SBF1: variants seen among roughly 807,000 people sequenced by gnomAD.
The protein encoded by SBF1 is SET binding factor 1, also known as myotubularin-related protein 5.
SBF1 carries 65 observed loss-of-function variants against 215.8 expected under a neutral mutation model. That is an observed-to-expected ratio of 0.30 (90% confidence interval 0.25 to 0.37). The LOEUF (loss-of-function observed/expected upper bound fraction) is 0.37, where lower values mean the gene tolerates loss of function less well. Ranked by LOEUF, SBF1 falls within the 10% of genes least tolerant of loss-of-function variation. The pLI, the probability that SBF1 is intolerant of heterozygous loss-of-function variation, is 1.00. For missense variants in SBF1, 2,634 were observed against 2,667.8 expected (o/e 0.99, Z 0.28); for synonymous variants, 1,410 against 1,122.8 (o/e 1.26, Z -5.11).
intron 28 of SBF1, among the ~76,000 whole-genome samples, chr22:50,457,652 T>A (rs1459310912): frequency 6.6e-6 from 1 of 152,198 alleles, no homozygotes; most frequent in Non-Finnish European, 1.5e-5. Flanking sequence ...AGCAGCTCAG[T>A]CCAGGACACA....
In SBF1 at chr22:50,456,138, C is replaced by G. The variant is rs557534974; in HGVS notation, c.4266+78G>C. ...GCTCCACACTGTCAGACAAGCAAAC[C>G]TAGACCCGTCCACTTGGCTCTACCC... On this transcript the variant is annotated intron_variant, in intron 31 of 40. Transcript: ENST00000380817. The G allele has an allele frequency of 7.3e-5, 108 of 1,469,714 alleles. 2 individuals are homozygous for G. The African/African-American group carries it at 1.2e-3, about 17-fold the overall frequency. 91.0% of individuals were successfully genotyped at this position (1,469,714 alleles called of 1,614,324 possible). A position where few individuals can be genotyped will look rare whatever the true frequency, so the allele number is the denominator to read the frequency against.
At chr22:50,468,252 G>A (rs768650275) in intron 2 of SBF1, 124 bp downstream of exon 2, 25 of 919,430 alleles carry the variant, frequency 2.7e-5, no homozygotes, top group Non-Finnish European at 3.6e-5. Flanking sequence ...AGGCTCTGCT[G>A]TCTTGTCCCT....
chr22:50,474,593 T>C lies in SBF1; in HGVS notation c.55+193A>G, dbSNP rs71311695. 0.75 allele frequency among the ~76,000 whole-genome samples: 102,902 copies of C among 137,376 alleles called. 36,321 individuals are homozygous for C. The highest frequency in any genetic ancestry group is 0.86 in the East Asian group (4,267 of 4,952). The allele number at this position is 137,376 out of a possible 152,430, so 90.1% of individuals were successfully genotyped here. A position where few individuals can be genotyped will look rare whatever the true frequency, so the allele number is the denominator to read the frequency against. On this transcript the variant is annotated intron_variant, in intron 1 of 40. Coordinates refer to ENST00000380817, the MANE Select transcript of SBF1 (RefSeq NM_002972.4). ...CCGGCCCCGGCCCTCAGTCCTCGGC[T>C]CCCCCGACCCCGGCCCTCAGCGCCC...
In SBF1 at chr22:50,446,689, A is replaced by G. The variant is rs1163288666; in HGVS notation, c.*453T>C. The G allele has an allele frequency of 1.3e-5, 5 of 390,146 alleles. No homozygotes were observed. Among genetic ancestry groups the G allele is most frequent in the Non-Finnish European group, 1.0e-5 (2 of 195,164 alleles). 24.2% of individuals were successfully genotyped at this position (390,146 alleles called of 1,614,324 possible). A position where few individuals can be genotyped will look rare whatever the true frequency, so the allele number is the denominator to read the frequency against. ...GCTGGGTGGACCCAGGCACCAGGAG[A>G]GGCTCACGAGAAAGATGCCAACCTC... is the stretch of plus-strand genomic sequence containing the variant. On this transcript the variant is annotated 3_prime_UTR_variant, in exon 41 of 41. Transcript: ENST00000380817.
At chr22:50,461,894 T>C (rs925321604) in intron 20 of SBF1, 25 bp from the exon 21 acceptor site, 2 of 1,613,880 alleles carry the variant, frequency 1.2e-6, no homozygotes, top group African/African-American at 2.7e-5. Flanking sequence ...TTCTCACACT[T>C]TGTGCCCAGC....
chr22:50,466,717 C>A lies in SBF1; in HGVS notation c.550-7G>T. The stretch of plus-strand genomic sequence containing the variant: ...CCCCCAAAGAGATCGTCCTCTGCAG[C>A]AAAAAAAGGATCGGGGCTCAGTAGT... On this transcript the variant is annotated splice_polypyrimidine_tract_variant and splice_region_variant and intron_variant, in intron 5 of 40. Coordinates refer to ENST00000380817, the MANE Select transcript of SBF1 (RefSeq NM_002972.4). 1 of 1,510,718 alleles carries A rather than the reference C, an allele frequency of 6.6e-7. No individual in the cohort carries two copies. The highest frequency in any genetic ancestry group is 8.9e-7 in the Non-Finnish European group (1 of 1,124,046). 93.6% of individuals were successfully genotyped at this position (1,510,718 alleles called of 1,614,324 possible). A position where few individuals can be genotyped will look rare whatever the true frequency, so the allele number is the denominator to read the frequency against.
chr22:50,462,149 G>T (rs768695867), intron 19 of SBF1, 30 bp from the exon 20 acceptor site: 1 of 1,609,572 alleles, frequency 6.2e-7, no homozygotes, highest in Admixed American at 1.7e-5. Flanking sequence ...GTGGGCATGG[G>T]CCCTGCCCAC....
At position 50,456,384 on chromosome 22, in the gene SBF1, T is replaced by C; in HGVS notation, c.4098A>G (p.Ser1366=). 1 of 1,612,570 alleles carries C rather than the reference T, an allele frequency of 6.2e-7. No homozygotes were observed. The highest frequency in any genetic ancestry group is 1.1e-5 in the South Asian group (1 of 91,044). ...GDKAQLKGVR[S]DPLQQWELVP... is the part of the protein sequence containing the mutation. Reference sequence around the variant, plus strand: ...CCAGCTCCCACTGCTGCAGGGGGTCTGACCGCACACCCTGAAAAGAATCCG... The same window carrying C: ...CCAGCTCCCACTGCTGCAGGGGGTCCGACCGCACACCCTGAAAAGAATCCG... Residue 1366 remains serine (S), a synonymous_variant, in exon 31 of 41, where the codon TCA becomes TCG. Coordinates refer to ENST00000380817, the MANE Select transcript of SBF1 (RefSeq NM_002972.4).
rs543590911 is a variant in SBF1, at chr22:50,467,376, G to C, written c.511C>G (p.Leu171Val). 6.2e-7 allele frequency: 1 copy of C among 1,614,164 alleles called. No homozygotes were observed. The highest frequency in any genetic ancestry group is 8.5e-7 in the Non-Finnish European group (1 of 1,180,020). The change falls in exon 5 of 41, where the codon CTG becomes GTG. Residue 171 changes from leucine (L) to valine (V), a missense_variant. Leu to Val is a conservative substitution (Grantham distance 32, BLOSUM62 1). Transcript: ENST00000380817. ...NVCLENVIGN[L>V]LTCTVPLAGG... ...GCCAGGGGCACAGTGCACGTCAGCA[G>C]GTTCCCAATCACGTTCTCCAGGCAC... is the stretch of plus-strand genomic sequence containing the variant.
chr22:50,448,068 T>C (rs1188809586), intron 38 of SBF1, among the ~76,000 whole-genome samples, 165 bp downstream of exon 38: 1 of 152,170 alleles, frequency 6.6e-6, no homozygotes, highest in African/African-American at 2.4e-5. Context: ...CTGCAGGCTG[T>C]GGTCAGCTGT....
At chr22:50,460,988 T>G (rs909854498) in intron 23 of SBF1, among the ~76,000 whole-genome samples, 171 bp downstream of exon 23, 1 of 151,992 alleles carries the variant, frequency 6.6e-6, no homozygotes, top group African/African-American at 2.4e-5. Flanking sequence ...AGACCGCACA[T>G]CAAACAGTGG....
At chr22:50,465,919 C>T (rs1365924839) in intron 9 of SBF1, 42 bp downstream of exon 9, 7 of 1,610,774 alleles carry the variant, frequency 4.3e-6, no homozygotes, top group Non-Finnish European at 5.9e-6. Flanking sequence ...AGCCACATCC[C>T]AAAGGCCCCC....
At chr22:50,473,944 G>A (rs2068082474) in intron 1 of SBF1, among the ~76,000 whole-genome samples, 1 of 152,252 alleles carries the variant, frequency 6.6e-6, no homozygotes, top group South Asian at 2.1e-4. Flanking sequence ...AGGAAGAGGT[G>A]AGATCATGTA....
At chr22:50,450,663 C>CA (rs1305561927) in intron 36 of SBF1, among the ~76,000 whole-genome samples, 1 of 152,248 alleles carries the variant, frequency 6.6e-6, no homozygotes, top group Non-Finnish European at 1.5e-5. Flanking sequence ...GGAGAGGCCA[C>CA]ACGCCTTGGG....
chr22:50,460,612 G>A lies in SBF1; in HGVS notation c.3068C>T (p.Thr1023Ile). 6.2e-7 allele frequency: 1 copy of A among 1,614,130 alleles called. No individual in the cohort carries two copies. The highest frequency in any genetic ancestry group is 2.2e-5 in the East Asian group (1 of 44,886). ...GGCAGAGCCCAAGGTGAACGCAAAG[G>A]TGGCCCTGATGTCCGGCGGGTACCG... ...KLRYPPDIRATFAFTLGSAHT... is the reference protein window; with the variant it reads ...KLRYPPDIRAIFAFTLGSAHT... The change falls in exon 24 of 41, where the codon ACC becomes ATC. Residue 1023 changes from threonine to isoleucine, a missense_variant. Thr to Ile is a moderately conservative substitution (Grantham distance 89). Coordinates refer to ENST00000380817, the MANE Select transcript of SBF1 (RefSeq NM_002972.4).
chr22:50,462,041 A>G lies in SBF1; in HGVS notation c.2475T>C (p.Ala825=), dbSNP rs1373021797. ...CAAAGCGGTTGATGAAGCGGACCAC[A>G]GCCCCAGCTACGTCGCAGGTCTCTG... ...EDAETCDVAG[A]VVRFINRFVD... The change falls in exon 20 of 41, where the codon GCT becomes GCC. Residue 825 remains alanine (A), a synonymous_variant. Coordinates refer to ENST00000380817, the MANE Select transcript of SBF1 (RefSeq NM_002972.4). 6.2e-7 allele frequency: 1 copy of G among 1,614,180 alleles called. No homozygotes were observed. The highest frequency in any genetic ancestry group is 2.2e-5 in the East Asian group (1 of 44,886).
At chr22:50,473,582 G>C (rs532330548) in intron 1 of SBF1, among the ~76,000 whole-genome samples, 1 of 152,138 alleles carries the variant, frequency 6.6e-6, no homozygotes, top group Admixed American at 6.6e-5. Context: ...ACTGAGGAGG[G>C]GCTGGAGACG....
intron 16 of SBF1, 97 bp downstream of exon 16, chr22:50,463,186 G>A: frequency 6.7e-7 from 1 of 1,492,350 alleles, no homozygotes; most frequent in Non-Finnish European, 9.2e-7. Flanking sequence ...GGAGTCTCTT[G>A]CACCGTCTCT....
In SBF1 at chr22:50,462,678, C is replaced by A. The variant is rs1489510064; in HGVS notation, c.2008G>T (p.Val670Leu). 1.9e-6 allele frequency: 3 copies of A among 1,612,402 alleles called. No individual in the cohort carries two copies. In the Admixed American group the frequency reaches 5.0e-5, roughly 27 times the overall value. ...GTGCTCCACACCACGTGCTCCTGCA[C>A]ACAGCTGTATGCAAACTGCGTCACC... The part of the protein sequence containing the change: ...PGVTQFAYSC[V>L]QEHVVWSTPQ... Residue 670 changes from valine (V) to leucine (L), a missense_variant, in exon 18 of 41, where the codon GTG (valine) becomes TTG (leucine). Coordinates refer to ENST00000380817, the MANE Select transcript of SBF1 (RefSeq NM_002972.4).
Sources: gnomAD v4.1 joint callset for allele counts (sites outside exome capture counted in the v4.1 genomes callset) on GRCh38, gnomAD v4.1.1 for gene constraint, MANE v1.5 for transcripts, NCBI Gene and HGNC (gene_info 2026-07-23, HGNC 2026-07-21) for gene names.